Variants in IFT43 observed in about 807,000 individuals in gnomAD.
IFT43 encodes intraflagellar transport protein 43 homolog.
IFT43 carries 33 observed loss-of-function variants against 32.3 expected under a neutral mutation model. That is an observed-to-expected ratio of 1.02 (90% CI 0.77 to 1.37). The LOEUF is 1.37. Among genes scored for constraint, IFT43 ranks in the 40% most tolerant of loss-of-function variants. The probability of loss-of-function intolerance (pLI) is 0.00; values close to 1 mark genes in which losing one functional copy is unlikely to be tolerated. For missense variants in IFT43, 274 were observed against 265.9 expected (o/e 1.03, Z -0.21); for synonymous variants, 93 against 98.2 (o/e 0.95, Z 0.31).
chr14:75,986,358 A>T, intron 1 of IFT43: 1 of 1,124,502 alleles, frequency 8.9e-7, no homozygotes, highest in Non-Finnish European at 1.1e-6. Flanking sequence ...TCAGTAGTTA[A>T]GGAAACCAAG....
At chr14:76,002,668 C>G (rs1296624459) in intron 2 of IFT43, among the ~76,000 whole-genome samples, 1 of 152,188 alleles carries the variant, frequency 6.6e-6, no homozygotes, top group African/African-American at 2.4e-5. Context: ...TCAGTGTGTG[C>G]TCAGGGCATT....
chr14:76,058,929 C>G, intron 4 of IFT43: 1 of 1,447,108 alleles, frequency 6.9e-7, no homozygotes, highest in South Asian at 1.5e-5. Flanking sequence ...TATCAGGGTA[C>G]TGGCCCATGC....
chr14:76,083,857 G>A, downstream of IFT43: 2 of 577,122 alleles, frequency 3.5e-6, no homozygotes, highest in East Asian at 7.8e-5. Flanking sequence ...GGAGCATGTG[G>A]GAGAGTTCGA....
intron 5 of IFT43, among the ~76,000 whole-genome samples, chr14:76,068,954 C>CCT (rs1324165688): frequency 6.6e-6 from 1 of 152,186 alleles, no homozygotes; most frequent in Admixed American, 6.5e-5. Flanking sequence ...AACAAATAGT[C>CCT]ACACAGCAAA....
rs1216500218 is a variant in IFT43 at position 75,999,270 on chromosome 14, TATGTATATATA to T, written c.147+10294_147+10304del. ...ATATATATATATATATATATATATA[TATGTATATATA>T]TTTTTTTTTTTTTTTTTTTAATTTT... On this transcript the variant is annotated intron_variant, in intron 2 of 8. Coordinates refer to ENST00000314067, the MANE Select transcript of IFT43 (RefSeq NM_001102564.3). Among the ~76,000 whole-genome samples, 76 of 25,198 alleles carry T rather than the reference TATGTATATATA, an allele frequency of 3.0e-3. 2 individuals carry two copies. Among genetic ancestry groups the T allele is most frequent in the Middle Eastern group, 0.015 (1 of 68 alleles). The allele number at this position is 25,198 out of a possible 152,430, so 16.5% of individuals were successfully genotyped here. A position where few individuals can be genotyped will look rare whatever the true frequency, so the allele number is the denominator to read the frequency against.
At chr14:76,037,033 G>T (rs549039650) in intron 3 of IFT43, among the ~76,000 whole-genome samples, 3 of 152,306 alleles carry the variant, frequency 2.0e-5, no homozygotes, top group African/African-American at 4.8e-5. Context: ...TTGCTGTGTT[G>T]CCCAGGTGGC....
chr14:75,985,865 G>C, intron 1 of IFT43, 25 bp downstream of exon 1: 7 of 1,613,088 alleles, frequency 4.3e-6, no homozygotes, highest in African/African-American at 1.3e-5. Context: ...GGGGGCCTTG[G>C]GGGCCAGGAT....
At chr14:75,996,462 C>T (rs1344897568) in intron 2 of IFT43, among the ~76,000 whole-genome samples, 2 of 152,140 alleles carry the variant, frequency 1.3e-5, no homozygotes, top group African/African-American at 4.8e-5. Context: ...CTGTATCAAA[C>T]GAGAATTAGA....
chr14:76,060,878 T>TGC, intron 5 of IFT43, among the ~76,000 whole-genome samples: 1 of 123,788 alleles, frequency 8.1e-6, no homozygotes, highest in African/African-American at 3.1e-5. Flanking sequence ...TTCCTTTTCC[T>TGC]GCTCTCCCCT....
chr14:76,058,910 A>G (rs1336143559), intron 4 of IFT43: 1 of 1,457,856 alleles, frequency 6.9e-7, no homozygotes, highest in Non-Finnish European at 9.0e-7. Context: ...TTAGAATTAT[A>G]TGTCCAGGTA....
At chr14:75,999,227 T>TA (rs2035805436) in intron 2 of IFT43, among the ~76,000 whole-genome samples, 12 of 96,082 alleles carry the variant, frequency 1.2e-4, no homozygotes, top group African/African-American at 5.3e-4. Flanking sequence ...TAAATTCATT[T>TA]TATATATATA....
Position 76,082,703 on chromosome 14 carries a change from C to T in IFT43, c.444+11C>T, listed in dbSNP as rs1280170308. ...GCCATTCAGACACTGGTGAGTGGAA[C>T]AGCTTCTGCATAGAGAGGCGGGCTC... On this transcript the variant is annotated intron_variant, in intron 7 of 8. Transcript: ENST00000314067. The T allele has an allele frequency of 6.4e-6, 10 of 1,558,058 alleles. No homozygotes were observed. Among genetic ancestry groups the T allele is most frequent in the African/African-American group, 1.4e-5 (1 of 73,700 alleles).
At chr14:76,046,035 G>A (rs770404087) in intron 3 of IFT43, among the ~76,000 whole-genome samples, 11 of 152,192 alleles carry the variant, frequency 7.2e-5, no homozygotes, top group Non-Finnish European at 1.0e-4. Context: ...GGTTGGGTGT[G>A]TAGGTAGTGC....
At chr14:75,991,382 A>G (rs573007692) in intron 2 of IFT43, among the ~76,000 whole-genome samples, 1 of 129,900 alleles carries the variant, frequency 7.7e-6, no homozygotes, top group Admixed American at 8.6e-5. Flanking sequence ...TATAAATATT[A>G]ACAAGAGTGT....
intron 3 of IFT43, among the ~76,000 whole-genome samples, chr14:76,036,908 A>G (rs1467890952): frequency 6.6e-6 from 1 of 151,130 alleles, no homozygotes; most frequent in Non-Finnish European, 1.5e-5. Flanking sequence ...GCTCACTGCA[A>G]CCTTGAACTC....
chr14:76,018,338 T>C (rs2036227973), intron 2 of IFT43, among the ~76,000 whole-genome samples: 1 of 152,182 alleles, frequency 6.6e-6, no homozygotes, highest in Non-Finnish European at 1.5e-5. Context: ...TTGTTTAATT[T>C]CTATGTATTT....
In IFT43 at chr14:75,996,484, A is replaced by G. The variant is rs551392117; in HGVS notation, c.147+7507A>G. Among the ~76,000 whole-genome samples, 165 of 152,346 alleles carry G rather than the reference A, an allele frequency of 1.1e-3. 1 individual carries two copies. The highest frequency in any genetic ancestry group is 1.3e-4 in the Non-Finnish European group (9 of 68,026). ...AAACGAGAATTAGAATGTATTATCA[A>G]TTTATCCTAAATATCAGTTCTGTCC... On this transcript the variant is annotated intron_variant, in intron 2 of 8. Transcript: ENST00000314067.
intron 5 of IFT43, chr14:76,059,646 C>T (rs1042257100): frequency 8.4e-6 from 4 of 474,332 alleles, no homozygotes; most frequent in Non-Finnish European, 1.6e-5. Flanking sequence ...ATCCCACTCC[C>T]TCTCTCACTG....
At chr14:76,070,325 CT>C (rs1017031374) in intron 5 of IFT43, among the ~76,000 whole-genome samples, 2 of 152,076 alleles carry the variant, frequency 1.3e-5, no homozygotes, top group Non-Finnish European at 2.9e-5. Context: ...TCAGCATATC[CT>C]TCATCCCTTC....
Sources: gnomAD v4.1 joint callset for allele counts (sites outside exome capture counted in the v4.1 genomes callset) on GRCh38, gnomAD v4.1.1 for gene constraint, MANE v1.5 for transcripts, NCBI Gene and HGNC (gene_info 2026-07-23, HGNC 2026-07-21) for gene names.